ADAMDEC1: variants seen among roughly 807,000 people sequenced by gnomAD.
The protein encoded by ADAMDEC1 is ADAM like decysin 1.
ADAMDEC1 carries 62 observed loss-of-function variants against 60.4 expected under a neutral mutation model. The observed-to-expected ratio is 1.03, with a 90% CI of 0.84 to 1.27. The LOEUF (loss-of-function observed/expected upper bound fraction) is 1.27, where lower values mean the gene tolerates loss of function less well. ADAMDEC1 is among the 50% of genes most tolerant of loss of function. The pLI is 0.00. For missense variants in ADAMDEC1, 595 were observed against 565.0 expected (o/e 1.05, Z -0.54); for synonymous variants, 210 against 195.1 (o/e 1.08, Z -0.64).
intron 1 of ADAMDEC1, among the ~76,000 whole-genome samples, chr8:24,385,598 T>C (rs1332957929): frequency 1.3e-5 from 2 of 152,160 alleles, no homozygotes; most frequent in African/African-American, 4.8e-5. Context: ...GTATTTCTTA[T>C]TTAATAACTC....
chr8:24,397,034 G>C (rs1817631550), intron 5 of ADAMDEC1, among the ~76,000 whole-genome samples: 1 of 152,074 alleles, frequency 6.6e-6, no homozygotes, highest in Non-Finnish European at 1.5e-5. Flanking sequence ...AAATTCTTTG[G>C]GGTTGCTTCA....
In ADAMDEC1 at chr8:24,405,276, T is replaced by C. The variant is rs1009699538; in HGVS notation, c.1407-16T>C. 4 of 1,611,714 alleles carry C rather than the reference T, an allele frequency of 2.5e-6. No individual in the cohort carries two copies. Among genetic ancestry groups the C allele is most frequent in the Non-Finnish European group, 2.5e-6 (3 of 1,178,702 alleles). Reference sequence around the variant, plus strand: ...TAATAACCCTGGCTTCCAAATTTTATTTTTCCTTCAATCAGAGAGTGAATC... The same window carrying C: ...TAATAACCCTGGCTTCCAAATTTTACTTTTCCTTCAATCAGAGAGTGAATC... On this transcript the variant is annotated splice_polypyrimidine_tract_variant and intron_variant, in intron 13 of 13. Coordinates refer to ENST00000256412, the MANE Select transcript of ADAMDEC1 (RefSeq NM_014479.3).
At chr8:24,396,276 C>T (rs545659259) in intron 5 of ADAMDEC1, among the ~76,000 whole-genome samples, 1 of 152,050 alleles carries the variant, frequency 6.6e-6, no homozygotes, top group Non-Finnish European at 1.5e-5. Context: ...TTTGGGAGGG[C>T]GAGGCGGGCA....
At chr8:24,402,286 A>C (rs1004048411) in intron 12 of ADAMDEC1, among the ~76,000 whole-genome samples, 194 bp downstream of exon 12, 1 of 152,160 alleles carries the variant, frequency 6.6e-6, no homozygotes, top group African/African-American at 2.4e-5. Context: ...ATTTTGACAT[A>C]ATTATATGAA....
At chr8:24,391,573 A>G (rs1328966377) in intron 1 of ADAMDEC1, among the ~76,000 whole-genome samples, 3 of 152,212 alleles carry the variant, frequency 2.0e-5, no homozygotes, top group Non-Finnish European at 2.9e-5. Context: ...AAGTACATCA[A>G]GAACATTGTG....
chr8:24,399,542 T>C lies in ADAMDEC1; in HGVS notation c.1011+68T>C, dbSNP rs752385140. The C allele has an allele frequency of 2.7e-5, 34 of 1,253,408 alleles. No homozygotes were observed. In the African/African-American group the frequency reaches 3.7e-4, roughly 14 times the overall value. The allele number at this position is 1,253,408 out of a possible 1,614,324, so 77.6% of individuals were successfully genotyped here. On this transcript the variant is annotated intron_variant, in intron 10 of 13. Coordinates refer to ENST00000256412, the MANE Select transcript of ADAMDEC1 (RefSeq NM_014479.3). ...CTATGAAGGCCAGCATAACACCTTA[T>C]ATAGAATGAGCAAAATGAACATTTG...
At position 24,398,652 on chromosome 8, in the gene ADAMDEC1, G is replaced by T. The variant is rs575961349; in HGVS notation, c.762+101G>T. On this transcript the variant is annotated intron_variant, in intron 8 of 13. Coordinates refer to ENST00000256412, the MANE Select transcript of ADAMDEC1 (RefSeq NM_014479.3). Reference sequence around the variant, plus strand: ...ACAAGAAGTTAAAAAGATCCCAAATGTCTTAAGTTAAATAGTTCAGGGAAA... The same window carrying T: ...ACAAGAAGTTAAAAAGATCCCAAATTTCTTAAGTTAAATAGTTCAGGGAAA... 1,880 of 1,038,134 alleles carry T rather than the reference G, an allele frequency of 1.8e-3. 8 individuals are homozygous for T. The highest frequency in any genetic ancestry group is 2.4e-3 in the Non-Finnish European group (1,698 of 703,952). The allele number at this position is 1,038,134 out of a possible 1,614,324, so 64.3% of individuals were successfully genotyped here. A position where few individuals can be genotyped will look rare whatever the true frequency, so the allele number is the denominator to read the frequency against.
At position 24,395,833 on chromosome 8, in the gene ADAMDEC1, GC is replaced by G. The variant is rs746122941; in HGVS notation, c.440+38del. ...CATCAAAATTACTCAAGATCAAGAAGCTTTTTGTTACACAGAATTAAGGGCT... is the reference window on the plus strand; with the variant it reads ...CATCAAAATTACTCAAGATCAAGAAGTTTTTGTTACACAGAATTAAGGGCT... On this transcript the variant is annotated intron_variant, in intron 5 of 13. Transcript: ENST00000256412. 1.8e-5 allele frequency: 27 copies of G among 1,525,130 alleles called. No homozygotes were observed. The South Asian group carries it at 3.1e-4, about 17-fold the overall frequency. 94.5% of individuals were successfully genotyped at this position (1,525,130 alleles called of 1,614,324 possible). A position where few individuals can be genotyped will look rare whatever the true frequency, so the allele number is the denominator to read the frequency against.
At chr8:24,392,904 T>G (rs1817486131) in intron 2 of ADAMDEC1, among the ~76,000 whole-genome samples, 1 of 148,044 alleles carries the variant, frequency 6.8e-6, no homozygotes, top group South Asian at 2.1e-4. Flanking sequence ...TTTTTTTTTT[T>G]TTTTTTTTAG....
chr8:24,392,905 T>TTG (rs1390542119), intron 2 of ADAMDEC1, among the ~76,000 whole-genome samples: 2 of 147,888 alleles, frequency 1.4e-5, no homozygotes, highest in Non-Finnish European at 3.0e-5. Flanking sequence ...TTTTTTTTTT[T>TTG]TTTTTTTAGT....
In ADAMDEC1 at chr8:24,395,630, A is replaced by G. The variant is rs1328889757; in HGVS notation, c.364-90A>G. The G allele has an allele frequency of 3.7e-5, 31 of 846,294 alleles. 1 individual carries two copies. The highest frequency in any genetic ancestry group is 3.9e-5 in the Non-Finnish European group (21 of 535,704). 52.4% of individuals were successfully genotyped at this position (846,294 alleles called of 1,614,324 possible). On this transcript the variant is annotated intron_variant, in intron 4 of 13. Coordinates refer to ENST00000256412, the MANE Select transcript of ADAMDEC1 (RefSeq NM_014479.3). ...GTAGCTTTCCTCACAACTGTGATAC[A>G]TGTATTCTCATAGTTTATACATTAC...
chr8:24,384,683 T>A, intron 1 of ADAMDEC1, 91 bp downstream of exon 1: 1 of 1,226,154 alleles, frequency 8.2e-7, no homozygotes, highest in African/African-American at 1.5e-5. Context: ...CATATGTTTT[T>A]ATGGTCGAAA....
intron 4 of ADAMDEC1, among the ~76,000 whole-genome samples, chr8:24,394,625 A>G (rs1817557808): frequency 1.3e-5 from 2 of 152,300 alleles, no homozygotes; most frequent in South Asian, 2.1e-4. Context: ...GAATCATGGC[A>G]TAGAATATCA....
intron 1 of ADAMDEC1, chr8:24,390,117 T>G: frequency 1.8e-6 from 1 of 543,816 alleles, no homozygotes; most frequent in South Asian, 1.5e-5. Flanking sequence ...ATTATTTTAT[T>G]TAACCTGACA....
rs1375450317 is a variant in ADAMDEC1 at position 24,395,639 on chromosome 8, C to T, written c.364-81C>T. 4 of 932,498 alleles carry T rather than the reference C, an allele frequency of 4.3e-6. No individual in the cohort carries two copies. In the African/African-American group the frequency reaches 5.0e-5, roughly 12 times the overall value. The allele number at this position is 932,498 out of a possible 1,614,324, so 57.8% of individuals were successfully genotyped here. A position where few individuals can be genotyped will look rare whatever the true frequency, so the allele number is the denominator to read the frequency against. ...CTCACAACTGTGATACATGTATTCTCATAGTTTATACATTACACACACACT... is the reference window on the plus strand; with the variant it reads ...CTCACAACTGTGATACATGTATTCTTATAGTTTATACATTACACACACACT... On this transcript the variant is annotated intron_variant, in intron 4 of 13. Transcript: ENST00000256412.
At chr8:24,386,105 T>A (rs1183165349) in intron 1 of ADAMDEC1, among the ~76,000 whole-genome samples, 1 of 152,198 alleles carries the variant, frequency 6.6e-6, no homozygotes, top group Non-Finnish European at 1.5e-5. Flanking sequence ...GATGATAGTC[T>A]ATGATGCCCA....
Position 24,397,343 on chromosome 8 carries a change from G to A in ADAMDEC1, c.514G>A (p.Val172Ile), listed in dbSNP as rs200134300. 160 of 1,613,982 alleles carry A rather than the reference G, an allele frequency of 9.9e-5. No individual in the cohort carries two copies. The highest frequency in any genetic ancestry group is 1.7e-4 in the Middle Eastern group (1 of 6,060). Residue 172 changes from valine to isoleucine, a missense_variant, in exon 6 of 14, where the codon GTC becomes ATC. Val to Ile is a conservative substitution (Grantham distance 29, BLOSUM62 3). Coordinates refer to ENST00000256412, the MANE Select transcript of ADAMDEC1 (RefSeq NM_014479.3). ...AAGCACAGACGAGAAAGAACATGCC[G>A]TCTTTACATCTAACCAGGAGGAACA... ...LKSTDEKEHA[V>I]FTSNQEEQDP...
chr8:24,398,588 T>G (rs1563356310), intron 8 of ADAMDEC1, 37 bp downstream of exon 8: 2 of 1,450,680 alleles, frequency 1.4e-6, no homozygotes, highest in East Asian at 2.3e-5. Context: ...TGTTTCTGCA[T>G]AGGGAAGTTC....
chr8:24,400,364 C>G, intron 11 of ADAMDEC1, 64 bp downstream of exon 11: 2 of 1,482,010 alleles, frequency 1.3e-6, no homozygotes, highest in East Asian at 2.3e-5. Flanking sequence ...TCTGAAGACA[C>G]ATATTATTCT....
Sources: gnomAD v4.1 joint callset for allele counts (sites outside exome capture counted in the v4.1 genomes callset) on GRCh38, gnomAD v4.1.1 for gene constraint, MANE v1.5 for transcripts, NCBI Gene and HGNC (gene_info 2026-07-23, HGNC 2026-07-21) for gene names.